The following AREG variants were observed in gnomAD, a reference collection of about 807,000 sequenced individuals.
AREG encodes amphiregulin B.
A neutral mutation model predicts 28.0 loss-of-function variants in AREG; 16 were observed. The observed-to-expected ratio is 0.57, with a 90% CI of 0.39 to 0.87. The LOEUF (loss-of-function observed/expected upper bound fraction) is 0.87. Ranked by LOEUF, AREG falls within the 40% of genes least tolerant of loss-of-function variation. The pLI is 0.00. For synonymous variants in AREG, 113 were observed against 113.5 expected (o/e 1.00, Z 0.02); for missense variants, 287 against 309.1 (o/e 0.93, Z 0.53).
In AREG at chr4:74,450,370, T is replaced by C. The variant is rs982965265; in HGVS notation, c.513-10T>C. ...TGTGATTATAATTTTTAAATGTGAA[T>C]TGCTTGCAGATGTCAGCAAGAATAT... On this transcript the variant is annotated splice_polypyrimidine_tract_variant and intron_variant, in intron 3 of 5. Coordinates refer to ENST00000395748, the MANE Select transcript of AREG (RefSeq NM_001657.4). 1.4e-5 allele frequency: 23 copies of C among 1,613,828 alleles called. No individual in the cohort carries two copies. Among genetic ancestry groups the C allele is most frequent in the Non-Finnish European group, 1.6e-5 (19 of 1,179,854 alleles).
At chr4:74,449,913 TC>T in intron 3 of AREG, among the ~76,000 whole-genome samples, 1 of 151,248 alleles carries the variant, frequency 6.6e-6, no homozygotes, top group Non-Finnish European at 1.5e-5. Flanking sequence ...TTGCTCTCTC[TC>T]TCTCTCTCTC....
intron 1 of AREG, 91 bp downstream of exon 1, chr4:74,445,497 C>T: frequency 6.5e-7 from 1 of 1,545,288 alleles, no homozygotes; most frequent in Non-Finnish European, 8.8e-7. Flanking sequence ...AAAAATCGCC[C>T]TTTAGTTCCC....
In AREG at chr4:74,445,278, T is replaced by G; in HGVS notation, c.-68T>G. 1.3e-6 allele frequency: 2 copies of G among 1,576,624 alleles called. No homozygotes were observed. The highest frequency in any genetic ancestry group is 1.7e-6 in the Non-Finnish European group (2 of 1,162,936). On this transcript the variant is annotated 5_prime_UTR_variant, in exon 1 of 6. Coordinates refer to ENST00000395748, the MANE Select transcript of AREG (RefSeq NM_001657.4). Reference sequence around the variant, plus strand: ...TCGCTCTTCCAACACCCGCTCGTTTTGGCGGCAGCTCGTGTCCCAGAGACC... The same window carrying G: ...TCGCTCTTCCAACACCCGCTCGTTTGGGCGGCAGCTCGTGTCCCAGAGACC...
intron 5 of AREG, among the ~76,000 whole-genome samples, chr4:74,453,454 A>C (rs1200708919): frequency 2.6e-5 from 4 of 152,232 alleles, no homozygotes; most frequent in South Asian, 2.1e-4. Flanking sequence ...GTTGATAATG[A>C]AAGTGAGCAG....
At position 74,454,948 on chromosome 4, in the gene AREG, A is replaced by G; in HGVS notation, c.*208A>G. 1 of 638,204 alleles carries G rather than the reference A, an allele frequency of 1.6e-6. No homozygotes were observed. The allele number at this position is 638,204 out of a possible 1,614,324, so 39.5% of individuals were successfully genotyped here. On this transcript the variant is annotated 3_prime_UTR_variant, in exon 6 of 6. Transcript: ENST00000395748. ...TATTTTTTCAAGTTGTAAATAATTT[A>G]TTTAATATTTAATGGAAGTGTATTT...
Position 74,446,707 on chromosome 4 carries a change from GC to G in AREG, c.237del (p.Asp80ThrfsTer28). 6.2e-7 allele frequency: 1 copy of G among 1,613,972 alleles called. No individual in the cohort carries two copies. The highest frequency in any genetic ancestry group is 8.5e-7 in the Non-Finnish European group (1 of 1,179,858). ...MPSSSEPSSG[A>X]DYDYSEEYDN... Reference sequence around the variant, plus strand: ...TTCTAGTAGTGAACCGTCCTCGGGAGCCGACTATGACTACTCAGAAGAGTAT... The same window carrying G: ...TTCTAGTAGTGAACCGTCCTCGGGAGCGACTATGACTACTCAGAAGAGTAT... On this transcript the variant is annotated frameshift_variant, in exon 2 of 6. Transcript: ENST00000395748. LOFTEE classifies it high-confidence loss of function.
At position 74,450,938 on chromosome 4, in the gene AREG, A is replaced by G. The variant is rs1004279285; in HGVS notation, c.665+406A>G. Among the ~76,000 whole-genome samples the G allele has an allele frequency of 3.8e-4, 58 of 152,310 alleles. 1 individual carries two copies. In the East Asian group the frequency reaches 0.01, roughly 27 times the overall value. ...TCGTAGTATCAGACATACTGCTTTGATACTAAAAACGACAAAGAACTACAA... is the reference window on the plus strand; with the variant it reads ...TCGTAGTATCAGACATACTGCTTTGGTACTAAAAACGACAAAGAACTACAA... On this transcript the variant is annotated intron_variant, in intron 4 of 5. Transcript: ENST00000395748.
At chr4:74,451,001 T>C (rs1419939414) in intron 4 of AREG, among the ~76,000 whole-genome samples, 4 of 152,244 alleles carry the variant, frequency 2.6e-5, no homozygotes, top group Admixed American at 1.3e-4. Flanking sequence ...TTTCTGCTCA[T>C]ATTAGAATGC....
intron 5 of AREG, among the ~76,000 whole-genome samples, 174 bp from the exon 6 acceptor site, chr4:74,454,585 A>AAG (rs1175912375): frequency 2.6e-5 from 4 of 152,346 alleles, no homozygotes; most frequent in Admixed American, 2.6e-4. Flanking sequence ...AAGCCGAAGT[A>AAG]AGAGTTGGTC....
intron 1 of AREG, 129 bp from the exon 2 acceptor site, chr4:74,446,405 A>C: frequency 6.5e-7 from 1 of 1,532,264 alleles, no homozygotes; most frequent in Middle Eastern, 1.7e-4. Flanking sequence ...AAATGACTCA[A>C]TCACAAACAA....
chr4:74,454,910 C>T lies in AREG; in HGVS notation c.*170C>T, dbSNP rs982574928. Reference sequence around the variant, plus strand: ...TGCTATTTCTGTATATAAAGGTGCACGAAGGTAAAAAGTATTTTTTCAAGT... The same window carrying T: ...TGCTATTTCTGTATATAAAGGTGCATGAAGGTAAAAAGTATTTTTTCAAGT... On this transcript the variant is annotated 3_prime_UTR_variant, in exon 6 of 6. Coordinates refer to ENST00000395748, the MANE Select transcript of AREG (RefSeq NM_001657.4). 3.0e-5 allele frequency: 20 copies of T among 668,990 alleles called. No homozygotes were observed. The highest frequency in any genetic ancestry group is 6.7e-5 in the South Asian group (4 of 59,272). 41.4% of individuals were successfully genotyped at this position (668,990 alleles called of 1,614,324 possible).
intron 2 of AREG, among the ~76,000 whole-genome samples, 192 bp downstream of exon 2, chr4:74,446,974 T>C (rs1406445974): frequency 6.6e-6 from 1 of 152,158 alleles, no homozygotes; most frequent in Non-Finnish European, 1.5e-5. Context: ...TGATCATAAA[T>C]GGTGTATGTC....
Position 74,454,919 on chromosome 4 carries a change from A to G in AREG, c.*179A>G. The stretch of plus-strand genomic sequence containing the variant: ...TGTATATAAAGGTGCACGAAGGTAA[A>G]AAGTATTTTTTCAAGTTGTAAATAA... On this transcript the variant is annotated 3_prime_UTR_variant, in exon 6 of 6. Coordinates refer to ENST00000395748, the MANE Select transcript of AREG (RefSeq NM_001657.4). 1.5e-6 allele frequency: 1 copy of G among 663,518 alleles called. No individual in the cohort carries two copies. The highest frequency in any genetic ancestry group is 1.7e-5 in the South Asian group (1 of 58,148). 41.1% of individuals were successfully genotyped at this position (663,518 alleles called of 1,614,324 possible).
Position 74,449,849 on chromosome 4 carries a change from G to A in AREG, c.513-531G>A, listed in dbSNP as rs947795307. Among the ~76,000 whole-genome samples the A allele has an allele frequency of 1.2e-3, 182 of 151,878 alleles. 1 individual carries two copies. The highest frequency in any genetic ancestry group is 4.0e-3 in the African/African-American group (167 of 41,380). On this transcript the variant is annotated intron_variant, in intron 3 of 5. Transcript: ENST00000395748. Reference sequence around the variant, plus strand: ...GCAAATGGCTGGATTTGATCCATGGGCTGTAGTTTCCTGACCCCTGGTATA... The same window carrying A: ...GCAAATGGCTGGATTTGATCCATGGACTGTAGTTTCCTGACCCCTGGTATA...
At chr4:74,449,417 T>G (rs943499042) in intron 3 of AREG, among the ~76,000 whole-genome samples, 169 bp downstream of exon 3, 1 of 152,196 alleles carries the variant, frequency 6.6e-6, no homozygotes. Context: ...GATTGTTACA[T>G]GTACTTAAAC....
In AREG at chr4:74,449,230, T is replaced by C; in HGVS notation, c.494T>C (p.Leu165Pro). 6.2e-7 allele frequency: 1 copy of C among 1,613,526 alleles called. No individual in the cohort carries two copies. Among genetic ancestry groups the C allele is most frequent in the Admixed American group, 1.7e-5 (1 of 59,948 alleles). The change falls in exon 3 of 6, where the codon CTG (leucine) becomes CCG (proline). Residue 165 changes from leucine to proline, a missense_variant. By Grantham distance (98) the Leu-to-Pro change is moderately conservative. Coordinates refer to ENST00000395748, the MANE Select transcript of AREG (RefSeq NM_001657.4). ...IHGECKYIEH[L>P]EAVTCKCQQE... Reference sequence around the variant, plus strand: ...GGAGAATGCAAATATATAGAGCACCTGGAAGCAGTAACATGCAAGTAAGTT... The same window carrying C: ...GGAGAATGCAAATATATAGAGCACCCGGAAGCAGTAACATGCAAGTAAGTT...
At position 74,449,078 on chromosome 4, in the gene AREG, GACGGAAAGTGAAAAT is replaced by G. The variant is rs1418334609; in HGVS notation, c.345_359del (p.Glu116_Thr120del). 6.2e-7 allele frequency: 1 copy of G among 1,609,988 alleles called. No homozygotes were observed. Among genetic ancestry groups the G allele is most frequent in the Non-Finnish European group, 8.5e-7 (1 of 1,179,324 alleles). On this transcript the variant is annotated inframe_deletion, in exon 3 of 6. Transcript: ENST00000395748. ...AGGTAGTTAAGCCCCCCCAAAACAA[GACGGAAAGTGAAAAT>G]ACTTCAGATAAACCCAAAAGAAAGA...
chr4:74,451,181 C>T (rs1655608242), intron 4 of AREG, among the ~76,000 whole-genome samples: 1 of 152,158 alleles, frequency 6.6e-6, no homozygotes. Context: ...GCGTATCTTC[C>T]CTGTGCTCAT....
intron 5 of AREG, among the ~76,000 whole-genome samples, chr4:74,453,471 A>G (rs1719412643): frequency 6.6e-6 from 1 of 152,236 alleles, no homozygotes; most frequent in East Asian, 1.9e-4. Flanking sequence ...GCAGCTAGGG[A>G]AGAAAACTCC....
Sources: gnomAD v4.1 joint callset for allele counts (sites outside exome capture counted in the v4.1 genomes callset) on GRCh38, gnomAD v4.1.1 for gene constraint, MANE v1.5 for transcripts, NCBI Gene and HGNC (gene_info 2026-07-23, HGNC 2026-07-21) for gene names.